The following WDR33 variants were observed in gnomAD, a reference collection of about 807,000 sequenced individuals.
The protein encoded by WDR33 is WD repeat domain 33, also known as pre-mRNA 3' end processing protein WDR33.
Under a neutral mutation model 164.9 loss-of-function variants are expected in WDR33, and 47 were observed. That is an observed-to-expected ratio of 0.29 (90% confidence interval 0.23 to 0.36). The LOEUF (loss-of-function observed/expected upper bound fraction) is 0.36. Among genes scored for constraint, WDR33 ranks in the 10% least tolerant of loss-of-function variants. The pLI is 1.00. For synonymous variants in WDR33, 505 were observed against 589.0 expected (o/e 0.86, Z 2.06); for missense variants, 1,137 against 1,754.1 (o/e 0.65, Z 6.28).
chr2:127,752,596 C>CA (rs34369142), intron 7 of WDR33, among the ~76,000 whole-genome samples: 4,805 of 75,420 alleles, frequency 0.064, 197 homozygotes, highest in Non-Finnish European at 0.085. Flanking sequence ...GACTCCGTCT[C>CA]AAAAAAAAAA....
At chr2:127,747,788 C>A (rs1447339781) in intron 7 of WDR33, among the ~76,000 whole-genome samples, 1 of 152,202 alleles carries the variant, frequency 6.6e-6, no homozygotes, top group Non-Finnish European at 1.5e-5. Flanking sequence ...ATCCTGACCT[C>A]AAGTCTGTCT....
At chr2:127,793,960 C>A (rs553258773) in intron 1 of WDR33, among the ~76,000 whole-genome samples, 51 of 151,996 alleles carry the variant, frequency 3.4e-4, no homozygotes, top group South Asian at 1.2e-3. Flanking sequence ...AATGGTGAAA[C>A]CCTGTCTCTA....
intron 7 of WDR33, among the ~76,000 whole-genome samples, chr2:127,748,265 T>C (rs1243492188): frequency 6.6e-6 from 1 of 152,076 alleles, no homozygotes; most frequent in Non-Finnish European, 1.5e-5. Context: ...CACCCCATGG[T>C]TCCCTGCGGT....
Position 127,725,224 on chromosome 2 carries a change from A to G in WDR33, c.852-9T>C. 1.3e-6 allele frequency: 2 copies of G among 1,577,900 alleles called. No individual in the cohort carries two copies. The highest frequency in any genetic ancestry group is 1.7e-6 in the Non-Finnish European group (2 of 1,169,218). ...TGTTTTTATGGGCATGACTAGAAAC[A>G]AAGTATCAAAAAAAAATGTCAGAAT... On this transcript the variant is annotated splice_polypyrimidine_tract_variant and intron_variant, in intron 8 of 21. Coordinates refer to ENST00000322313, the MANE Select transcript of WDR33 (RefSeq NM_018383.5).
At position 127,713,380 on chromosome 2, in the gene WDR33, T is replaced by G. The variant is rs1316300626; in HGVS notation, c.3308+203A>C. On this transcript the variant is annotated intron_variant, in intron 18 of 21. Transcript: ENST00000322313. The surrounding 1 kb of genome is among the most constrained non-coding windows in gnomAD (Gnocchi z 6.2). ...AAAAAAATAAACAAAACGAAAAAGA[T>G]TTCTAGACAGCAAAGATTAAAACAA... Among the ~76,000 whole-genome samples the G allele has an allele frequency of 6.6e-6, 1 of 152,186 alleles. No individual in the cohort carries two copies. Among genetic ancestry groups the G allele is most frequent in the African/African-American group, 2.4e-5 (1 of 41,438 alleles).
chr2:127,779,681 T>C (rs1410562928), intron 1 of WDR33, among the ~76,000 whole-genome samples: 1 of 152,194 alleles, frequency 6.6e-6, no homozygotes, highest in Non-Finnish European at 1.5e-5. Context: ...TTCTGTTTAT[T>C]ATCACCTAAT....
intron 7 of WDR33, among the ~76,000 whole-genome samples, chr2:127,733,807 T>C (rs889252568): frequency 6.6e-6 from 1 of 152,206 alleles, no homozygotes; most frequent in African/African-American, 2.4e-5. Flanking sequence ...TTATCTCAGT[T>C]GTACAATGAA....
At chr2:127,774,558 G>A (rs1407067184) in intron 1 of WDR33, among the ~76,000 whole-genome samples, 4 of 151,364 alleles carry the variant, frequency 2.6e-5, no homozygotes, top group Admixed American at 6.6e-5. Flanking sequence ...TGCCAGGCGC[G>A]GCGGCTCACG....
At position 127,701,362 on chromosome 2, in the gene WDR33, G is replaced by A; in HGVS notation, c.*4961C>T. On this transcript the variant is annotated 3_prime_UTR_variant, in exon 22 of 22. Coordinates refer to ENST00000322313, the MANE Select transcript of WDR33 (RefSeq NM_018383.5). ...GCAGCACCTGCGACCACGGTACTTGGGGACACCACAAAAGTCCGCAGAGCA... is the reference window on the plus strand; with the variant it reads ...GCAGCACCTGCGACCACGGTACTTGAGGACACCACAAAAGTCCGCAGAGCA... 1.8e-6 allele frequency: 1 copy of A among 554,810 alleles called. No individual in the cohort carries two copies. The highest frequency in any genetic ancestry group is 2.7e-6 in the Non-Finnish European group (1 of 375,234). 34.4% of individuals were successfully genotyped at this position (554,810 alleles called of 1,614,324 possible).
At chr2:127,762,768 C>G in intron 7 of WDR33, 1 of 1,140,512 alleles carries the variant, frequency 8.8e-7, no homozygotes. Context: ...ACCCTGGCTA[C>G]AAGGAAGGAA....
rs757581086 is a variant in WDR33, at chr2:127,768,970, A to C, written c.236T>G (p.Met79Arg). The C allele has an allele frequency of 6.3e-7, 1 of 1,587,496 alleles. No individual in the cohort carries two copies. Among genetic ancestry groups the C allele is most frequent in the Admixed American group, 1.8e-5 (1 of 56,864 alleles). ...ACCTGCATCAGGCTGAATTGCCCGC[A>C]TATCTCTCTGGTCTCTTTGCCATAT... ...NRIWQRDQRD[M>R]RAIQPDAGYY... The change falls in exon 3 of 22, where the codon ATG (methionine) becomes AGG (arginine). Residue 79 changes from methionine to arginine, a missense_variant. By Grantham distance (91) the Met-to-Arg change is moderately conservative (BLOSUM62 -1). This residue lies in a region of WDR33 where 55 missense variants were observed against 84.6 expected (regional missense o/e 0.65). Coordinates refer to ENST00000322313, the MANE Select transcript of WDR33 (RefSeq NM_018383.5).
chr2:127,757,955 T>C (rs1687568104), intron 7 of WDR33, among the ~76,000 whole-genome samples: 1 of 152,190 alleles, frequency 6.6e-6, no homozygotes, highest in African/African-American at 2.4e-5. Context: ...TTAGTAATCA[T>C]ATTACTTTTC....
rs138525316 is a variant in WDR33 at position 127,719,282 on chromosome 2, G to A, written c.2743C>T (p.Arg915Trp). The change falls in exon 16 of 22, where the codon CGG (arginine) becomes TGG (tryptophan). Residue 915 changes from arginine to tryptophan, a missense_variant. Physicochemically the swap from Arg to Trp is moderately radical, Grantham distance 101. Coordinates refer to ENST00000322313, the MANE Select transcript of WDR33 (RefSeq NM_018383.5). The surrounding 1 kb of genome is among the most constrained non-coding windows in gnomAD (Gnocchi z 6.5). ...AATAATACCTGGTTGAAGGGGGCCC[G>A]GGGCCCATCACCTAGCAGAGGCGTT... ...QKTPLLGDGP[R>W]APFNQEGQST... 1.0e-5 allele frequency: 15 copies of A among 1,438,846 alleles called. 1 individual carries two copies. Among genetic ancestry groups the A allele is most frequent in the South Asian group, 5.2e-5 (3 of 58,096 alleles). 89.1% of individuals were successfully genotyped at this position (1,438,846 alleles called of 1,614,324 possible). A position where few individuals can be genotyped will look rare whatever the true frequency, so the allele number is the denominator to read the frequency against.
intron 1 of WDR33, among the ~76,000 whole-genome samples, chr2:127,803,947 C>CAA (rs559652976): frequency 9.3e-4 from 57 of 61,418 alleles, no homozygotes; most frequent in East Asian, 1.9e-3. Context: ...GACCCAGTCT[C>CAA]AAAAAAAAAA....
rs1414426367 is a variant in WDR33 at position 127,718,816 on chromosome 2, T to C, written c.2760+449A>G. ...CCCATCCTATCTTTTAAAAGTAGAG[T>C]TGGCAGACAGGAAGTGATTCTGTGG... On this transcript the variant is annotated intron_variant, in intron 16 of 21. Transcript: ENST00000322313. The surrounding 1 kb of genome is among the most constrained non-coding windows in gnomAD (Gnocchi z 4.4). Among the ~76,000 whole-genome samples the C allele has an allele frequency of 4.6e-5, 7 of 152,096 alleles. No homozygotes were observed. Among genetic ancestry groups the C allele is most frequent in the Non-Finnish European group, 1.0e-4 (7 of 68,028 alleles).
intron 1 of WDR33, among the ~76,000 whole-genome samples, chr2:127,798,285 T>C (rs1321715240): frequency 6.9e-6 from 1 of 144,578 alleles, no homozygotes; most frequent in Non-Finnish European, 1.5e-5. Flanking sequence ...GGAGGATCGC[T>C]TGAACCTGGG....
At chr2:127,707,228 T>TAA (rs1304395900) in intron 21 of WDR33, among the ~76,000 whole-genome samples, 3 of 119,922 alleles carry the variant, frequency 2.5e-5, no homozygotes, top group South Asian at 3.1e-4. Flanking sequence ...GAGAATATAT[T>TAA]TAAAAAAAAA....
chr2:127,713,630 GA>G lies in WDR33; in HGVS notation c.3260del (p.Phe1087SerfsTer194). ...WEGRRPGDER[F>X]PRDPEDPRFR... ...AACGTGGGTCCTCGGGATCCCGGGG[GA>G]AACGTTCATCTCCGGGCCTGCGGCC... On this transcript the variant is annotated frameshift_variant, in exon 18 of 22. Transcript: ENST00000322313. LOFTEE classifies it high-confidence loss of function. The surrounding 1 kb of genome is among the most constrained non-coding windows in gnomAD (Gnocchi z 6.2). The G allele has an allele frequency of 6.2e-7, 1 of 1,614,258 alleles. No homozygotes were observed. Among genetic ancestry groups the G allele is most frequent in the Non-Finnish European group, 8.5e-7 (1 of 1,180,048 alleles).
intron 1 of WDR33, among the ~76,000 whole-genome samples, chr2:127,799,206 T>C (rs941141083): frequency 2.0e-5 from 3 of 152,034 alleles, no homozygotes; most frequent in Non-Finnish European, 4.4e-5. Flanking sequence ...TTAGATGTAA[T>C]ACCAATGCAC....
Sources: allele counts gnomAD v4.1 joint callset (sites outside exome capture counted in the v4.1 genomes callset), GRCh38; gene constraint gnomAD v4.1.1; regional missense constraint gnomAD v4.1.1; non-coding constraint Gnocchi (gnomAD v3.1); transcripts MANE v1.5; gene names NCBI Gene and HGNC (gene_info 2026-07-23, HGNC 2026-07-21).